ATRNL1: variants seen among roughly 807,000 people sequenced by gnomAD.
ATRNL1 encodes attractin-like protein 1.
Under a neutral mutation model 182.7 loss-of-function variants are expected in ATRNL1, and 95 were observed. That is an observed-to-expected ratio of 0.52 (90% CI 0.44 to 0.62). The LOEUF is 0.62. Among genes scored for constraint, ATRNL1 ranks in the 20% least tolerant of loss-of-function variants. The probability of loss-of-function intolerance (pLI) is 0.00; values close to 1 mark genes in which losing one functional copy is unlikely to be tolerated. For missense variants in ATRNL1, 1,471 were observed against 1,679.5 expected (o/e 0.88, Z 2.17); for synonymous variants, 576 against 568.3 (o/e 1.01, Z -0.19).
intron 15 of ATRNL1, among the ~76,000 whole-genome samples, chr10:115,290,927 C>T (rs1271138460): frequency 1.2e-4 from 19 of 152,158 alleles, no homozygotes; most frequent in African/African-American, 4.1e-4. Context: ...TGGCTAGTGC[C>T]ATGTTGCCTG....
At chr10:115,587,437 C>G (rs1592902918) in intron 26 of ATRNL1, among the ~76,000 whole-genome samples, 2 of 151,964 alleles carry the variant, frequency 1.3e-5, no homozygotes, top group South Asian at 4.2e-4. Flanking sequence ...ACCCTCCCAG[C>G]CAGGTGCGGA....
intron 26 of ATRNL1, among the ~76,000 whole-genome samples, chr10:115,664,958 T>C (rs1860916499): frequency 1.3e-5 from 2 of 152,200 alleles, no homozygotes; most frequent in African/African-American, 4.8e-5. Flanking sequence ...TCTGAGTTTG[T>C]GTTTATTTAA....
At chr10:115,207,223 C>A (rs1321040198) in intron 8 of ATRNL1, among the ~76,000 whole-genome samples, 1 of 152,132 alleles carries the variant, frequency 6.6e-6, no homozygotes, top group Non-Finnish European at 1.5e-5. Flanking sequence ...ATGGCTGGGT[C>A]AAATGGTATT....
At chr10:115,898,546 C>T (rs936942444) in intron 28 of ATRNL1, among the ~76,000 whole-genome samples, 16 of 152,272 alleles carry the variant, frequency 1.1e-4, no homozygotes, top group East Asian at 7.7e-4. Flanking sequence ...TGGCCCAGCC[C>T]GTTAATGTGG....
At chr10:115,451,743 A>G (rs1847292395) in intron 21 of ATRNL1, among the ~76,000 whole-genome samples, 1 of 152,214 alleles carries the variant, frequency 6.6e-6, no homozygotes, top group South Asian at 2.1e-4. Context: ...CATTCAACCC[A>G]GCATTCCCAT....
At chr10:115,837,289 G>A (rs115878347) in intron 27 of ATRNL1, among the ~76,000 whole-genome samples, 460 of 152,126 alleles carry the variant, frequency 3.0e-3, no homozygotes, top group African/African-American at 0.01. Context: ...GTCCTGTCTT[G>A]TGAGTTCCAT....
chr10:115,394,696 G>A lies in ATRNL1; in HGVS notation c.3213G>A (p.Leu1071=). The A allele has an allele frequency of 6.2e-7, 1 of 1,611,122 alleles. No individual in the cohort carries two copies. Among genetic ancestry groups the A allele is most frequent in the Non-Finnish European group, 8.5e-7 (1 of 1,178,422 alleles). The change falls in exon 20 of 29, where the codon CTG becomes CTA. Residue 1071 remains leucine (L), a synonymous_variant. Transcript: ENST00000355044. ...TCSGHANICH[L]HTGKCFCTTK... Reference sequence around the variant, plus strand: ...GTGGCCATGCAAATATCTGTCATCTGCACACAGGAAAATGTTTCTGCACAA... The same window carrying A: ...GTGGCCATGCAAATATCTGTCATCTACACACAGGAAAATGTTTCTGCACAA...
chr10:115,230,898 AG>A (rs1564837773), intron 9 of ATRNL1, among the ~76,000 whole-genome samples: 1 of 149,864 alleles, frequency 6.7e-6, no homozygotes, highest in Non-Finnish European at 1.5e-5. Context: ...AGAGAGAGAG[AG>A]AGAGAGAGAG....
chr10:115,361,856 G>C (rs1554944303), intron 19 of ATRNL1, among the ~76,000 whole-genome samples: 1 of 151,900 alleles, frequency 6.6e-6, no homozygotes, highest in African/African-American at 2.4e-5. Context: ...GTTACTTAAG[G>C]TTTAAATTAT....
At chr10:115,546,195 A>G (rs1852643044) in intron 25 of ATRNL1, among the ~76,000 whole-genome samples, 1 of 152,266 alleles carries the variant, frequency 6.6e-6, no homozygotes, top group Non-Finnish European at 1.5e-5. Flanking sequence ...TCTTAAGGGT[A>G]TGATGGTCTG....
chr10:115,202,353 A>G (rs868948016), intron 8 of ATRNL1, among the ~76,000 whole-genome samples: 5,837 of 150,504 alleles, frequency 0.039, 292 homozygotes, highest in African/African-American at 0.13. Context: ...ATTCAGTATG[A>G]TATTGGCTGT....
intron 20 of ATRNL1, among the ~76,000 whole-genome samples, chr10:115,398,352 A>C (rs543107443): frequency 6.6e-6 from 1 of 152,056 alleles, no homozygotes; most frequent in South Asian, 2.1e-4. Context: ...AAAAATTGTA[A>C]CTTAAAAATG....
At chr10:115,694,509 G>A in intron 26 of ATRNL1, among the ~76,000 whole-genome samples, 1 of 152,118 alleles carries the variant, frequency 6.6e-6, no homozygotes, top group South Asian at 2.1e-4. Context: ...AAACAGCTAT[G>A]CAAAGCATGA....
chr10:115,394,781 C>A, intron 20 of ATRNL1, 29 bp downstream of exon 20: 1 of 1,493,908 alleles, frequency 6.7e-7, no homozygotes, highest in South Asian at 1.2e-5. Context: ...TTAGAACTTT[C>A]GTGGATTGAA....
chr10:115,763,651 C>G (rs113769412), intron 27 of ATRNL1, among the ~76,000 whole-genome samples: 2,025 of 151,948 alleles, frequency 0.013, 23 homozygotes, highest in Middle Eastern at 0.024. Context: ...GACTTCTAAG[C>G]ACAATCAATA....
rs1297500288 is a variant in ATRNL1 at position 115,803,595 on chromosome 10, TTG to T, written c.3904-44278_3904-44277del. ...TTTTGTTTTAGAAGTTTGGGTTTTT[TTG>T]TGTTTTTTTTTTAACATTTTAAGCA... On this transcript the variant is annotated intron_variant, in intron 27 of 28. Coordinates refer to ENST00000355044, the MANE Select transcript of ATRNL1 (RefSeq NM_207303.4). 3.5e-5 allele frequency among the ~76,000 whole-genome samples: 5 copies of T among 141,948 alleles called. No individual in the cohort carries two copies. In the East Asian group the frequency reaches 1.0e-3, roughly 29 times the overall value. The allele number at this position is 141,948 out of a possible 152,430, so 93.1% of individuals were successfully genotyped here.
At chr10:115,561,704 G>GTCTGTGT (rs1554999746) in intron 26 of ATRNL1, among the ~76,000 whole-genome samples, 1 of 144,938 alleles carries the variant, frequency 6.9e-6, no homozygotes, top group Non-Finnish European at 1.5e-5. Context: ...TGTGTGTGTG[G>GTCTGTGT]GTGTGTGTGT....
intron 24 of ATRNL1, among the ~76,000 whole-genome samples, chr10:115,479,959 T>G (rs937298426): frequency 6.6e-6 from 1 of 151,320 alleles, no homozygotes; most frequent in Admixed American, 6.6e-5. Context: ...CAAACTGGCT[T>G]TGACAATTCA....
At position 115,827,968 on chromosome 10, in the gene ATRNL1, C is replaced by A. The variant is rs893833909; in HGVS notation, c.3904-19909C>A. ...GCAGCAGTCCAAATGGAGCCGAGGG[C>A]AGATCCATTAACAAAGGCCCCAACT... On this transcript the variant is annotated intron_variant, in intron 27 of 28. Transcript: ENST00000355044. Among the ~76,000 whole-genome samples the A allele has an allele frequency of 1.3e-4, 20 of 152,002 alleles. No homozygotes were observed. The East Asian group carries it at 1.6e-3, about 12-fold the overall frequency.
Sources: gnomAD v4.1 joint callset for allele counts (sites outside exome capture counted in the v4.1 genomes callset) on GRCh38, gnomAD v4.1.1 for gene constraint, MANE v1.5 for transcripts, NCBI Gene and HGNC (gene_info 2026-07-23, HGNC 2026-07-21) for gene names.